DPF3: variants seen among roughly 807,000 people sequenced by gnomAD.
DPF3 encodes the protein double PHD fingers 3, also known as zinc finger protein DPF3.
Under a neutral mutation model 56.8 loss-of-function variants are expected in DPF3, and 18 were observed. The observed-to-expected ratio is 0.32, with a 90% CI of 0.22 to 0.47. The LOEUF (loss-of-function observed/expected upper bound fraction) is 0.47. DPF3 is among the 20% of genes least tolerant of loss of function. The probability of loss-of-function intolerance (pLI) is 1.00; values close to 1 mark genes in which losing one functional copy is unlikely to be tolerated. For synonymous variants in DPF3, 188 were observed against 180.2 expected, an observed-to-expected ratio of 1.04 and a Z score of -0.35; for missense variants, 403 against 488.8, an observed-to-expected ratio of 0.82 and a Z score of 1.65.
Position 72,643,029 on chromosome 14 carries a change from A to G in DPF3, c.872-13293T>C, listed in dbSNP as rs566133086. Among the ~76,000 whole-genome samples the G allele has an allele frequency of 7.9e-5, 12 of 152,332 alleles. No homozygotes were observed. In the South Asian group the frequency reaches 2.3e-3, roughly 29 times the overall value. On this transcript the variant is annotated intron_variant, in intron 8 of 10. Transcript: ENST00000556509. ...AACATTCCTGATTTACAAATGAAGA[A>G]GTTGAGGCTCAGAATGGCTCAGGCA...
Position 72,610,726 on chromosome 14 carries a change from G to A in DPF3, c.*8571C>T, listed in dbSNP as rs1478681582. On this transcript the variant is annotated 3_prime_UTR_variant, in exon 11 of 11. Coordinates refer to ENST00000556509, the MANE Select transcript of DPF3 (RefSeq NM_001280542.3). The stretch of plus-strand genomic sequence containing the variant: ...CGCGCTCAAGGGCAGGTGGGAGATG[G>A]AGCCTTCTCAGAGCTCAGCCACTGG... 1.3e-5 allele frequency among the ~76,000 whole-genome samples: 2 copies of A among 152,186 alleles called. No individual in the cohort carries two copies. Among genetic ancestry groups the A allele is most frequent in the African/African-American group, 4.8e-5 (2 of 41,434 alleles).
At chr14:72,854,289 G>A (rs1327812384) in intron 1 of DPF3, among the ~76,000 whole-genome samples, 2 of 151,426 alleles carry the variant, frequency 1.3e-5, no homozygotes, top group African/African-American at 4.9e-5. Flanking sequence ...CCGGGAGGTG[G>A]AGGTTGCAGT....
At chr14:72,800,545 GATGGATGT>G (rs1331800109) in intron 1 of DPF3, among the ~76,000 whole-genome samples, 3 of 151,520 alleles carry the variant, frequency 2.0e-5, no homozygotes, top group African/African-American at 4.9e-5. Context: ...TGGATGCACA[GATGGATGT>G]ATGGATGCAT....
At chr14:72,823,477 CT>C (rs1883644401) in intron 1 of DPF3, among the ~76,000 whole-genome samples, 1 of 152,222 alleles carries the variant, frequency 6.6e-6, no homozygotes, top group Non-Finnish European at 1.5e-5. Context: ...TCCAGAGAGA[CT>C]CCAGGCTGGT....
At chr14:72,799,756 C>T (rs1892789000) in intron 1 of DPF3, among the ~76,000 whole-genome samples, 1 of 152,112 alleles carries the variant, frequency 6.6e-6, no homozygotes, top group Non-Finnish European at 1.5e-5. Context: ...CCTGGAACTT[C>T]TGGGGGAAAG....
At chr14:72,825,236 C>T (rs1883743961) in intron 1 of DPF3, among the ~76,000 whole-genome samples, 1 of 152,190 alleles carries the variant, frequency 6.6e-6, no homozygotes. Context: ...TGTAAACTCT[C>T]AGATGTCAAG....
intron 2 of DPF3, among the ~76,000 whole-genome samples, chr14:72,767,685 G>A (rs746558148): frequency 9.7e-5 from 14 of 144,314 alleles, no homozygotes; most frequent in African/African-American, 7.7e-5. Flanking sequence ...GTTGAAGTCC[G>A]AGAAGGAGAG....
chr14:72,886,099 C>T (rs536723314), intron 1 of DPF3, among the ~76,000 whole-genome samples: 4 of 152,054 alleles, frequency 2.6e-5, no homozygotes, highest in Non-Finnish European at 4.4e-5. Flanking sequence ...CAGCTGGGCA[C>T]GGTGGCTCAT....
intron 6 of DPF3, among the ~76,000 whole-genome samples, chr14:72,705,940 A>G (rs1888385991): frequency 6.6e-6 from 1 of 151,640 alleles, no homozygotes; most frequent in South Asian, 2.1e-4. Flanking sequence ...TGAGAGAGAG[A>G]AAAAAAAAGA....
At chr14:72,771,152 G>A (rs1308007486) in intron 2 of DPF3, among the ~76,000 whole-genome samples, 1 of 144,190 alleles carries the variant, frequency 6.9e-6, no homozygotes, top group African/African-American at 2.5e-5. Flanking sequence ...GGGCAACACA[G>A]CAAGAGTCCA....
At chr14:72,849,651 A>G (rs949647065) in intron 1 of DPF3, among the ~76,000 whole-genome samples, 1 of 151,984 alleles carries the variant, frequency 6.6e-6, no homozygotes, top group African/African-American at 2.4e-5. Flanking sequence ...TTTATCCACA[A>G]CAACTCCTTC....
rs778758381 is a variant in DPF3, at chr14:72,690,560, GCACA to G, written c.742+2512_742+2515del. Among the ~76,000 whole-genome samples, 17 of 149,076 alleles carry G rather than the reference GCACA, an allele frequency of 1.1e-4. 1 individual carries two copies. The highest frequency in any genetic ancestry group is 1.1e-3 in the Admixed American group (16 of 14,992). ...ACAAACAACACGCACACACATGCACGCACACACACAACGTACATACACAACACGT... is the reference window on the plus strand; with the variant it reads ...ACAAACAACACGCACACACATGCACGCACACAACGTACATACACAACACGT... On this transcript the variant is annotated intron_variant, in intron 7 of 10. Transcript: ENST00000556509.
chr14:72,654,332 A>G (rs1599330595), intron 8 of DPF3, among the ~76,000 whole-genome samples: 1 of 148,978 alleles, frequency 6.7e-6, no homozygotes, highest in Non-Finnish European at 1.5e-5. Context: ...CTATTTGTCT[A>G]CCCCAACTCT....
chr14:72,714,556 C>T (rs937623738), intron 5 of DPF3, 55 bp from the exon 6 acceptor site: 65 of 1,594,442 alleles, frequency 4.1e-5, no homozygotes, highest in South Asian at 2.8e-4. Context: ...ACTACAGCTC[C>T]GGAGCATGCG....
chr14:72,767,725 CAAAGA>C, intron 2 of DPF3, among the ~76,000 whole-genome samples: 1 of 29,640 alleles, frequency 3.4e-5, no homozygotes, highest in East Asian at 9.4e-4. Context: ...AAGAAGTATT[CAAAGA>C]AATAATGGCT....
At chr14:72,665,446 G>A (rs1371344108) in intron 8 of DPF3, among the ~76,000 whole-genome samples, 1 of 152,186 alleles carries the variant, frequency 6.6e-6, no homozygotes, top group East Asian at 1.9e-4. Flanking sequence ...AAATGTCTGA[G>A]TCACCAGTAA....
intron 8 of DPF3, among the ~76,000 whole-genome samples, chr14:72,646,837 C>A (rs572220791): frequency 6.6e-6 from 1 of 152,176 alleles, no homozygotes; most frequent in Non-Finnish European, 1.5e-5. Context: ...GAAGAATTAC[C>A]GGGAGAGATG....
chr14:72,836,331 G>A lies in DPF3; in HGVS notation c.32+57726C>T, dbSNP rs953125848. 1.7e-5 allele frequency: 17 copies of A among 985,530 alleles called. No individual in the cohort carries two copies. In the African/African-American group the frequency reaches 2.3e-4, roughly 13 times the overall value. 61.0% of individuals were successfully genotyped at this position (985,530 alleles called of 1,614,324 possible). On this transcript the variant is annotated intron_variant, in intron 1 of 10. Coordinates refer to ENST00000556509, the MANE Select transcript of DPF3 (RefSeq NM_001280542.3). Reference sequence around the variant, plus strand: ...GGCAACCCTGGATAATAAAGTGACCGAATGTGAATGCTTCCAGGTGGCACA... The same window carrying A: ...GGCAACCCTGGATAATAAAGTGACCAAATGTGAATGCTTCCAGGTGGCACA...
chr14:72,807,917 A>G (rs1310224945), intron 1 of DPF3, among the ~76,000 whole-genome samples: 1 of 152,156 alleles, frequency 6.6e-6, no homozygotes, highest in Non-Finnish European at 1.5e-5. Flanking sequence ...GTGAGTTATG[A>G]TCACGCCACT....
Sources: allele counts gnomAD v4.1 joint callset (sites outside exome capture counted in the v4.1 genomes callset), GRCh38; gene constraint gnomAD v4.1.1; transcripts MANE v1.5; gene names NCBI Gene and HGNC (gene_info 2026-07-23, HGNC 2026-07-21).